CYB5D2: variants seen among roughly 807,000 people sequenced by gnomAD.
CYB5D2 encodes neuferricin.
CYB5D2 carries 23 observed loss-of-function variants against 22.8 expected under a neutral mutation model. The observed-to-expected ratio is 1.01, with a 90% CI of 0.73 to 1.43. The LOEUF (loss-of-function observed/expected upper bound fraction) is 1.43. Ranked by LOEUF, CYB5D2 falls within the 40% of genes most tolerant of loss-of-function variation. CYB5D2 has a pLI of 0.00. For missense variants in CYB5D2, 373 were observed against 357.2 expected, an observed-to-expected ratio of 1.04 and a Z score of -0.36; for synonymous variants, 170 against 152.2, an observed-to-expected ratio of 1.12 and a Z score of -0.86.
intron 3 of CYB5D2, among the ~76,000 whole-genome samples, chr17:4,155,418 G>C (rs536356157): frequency 6.6e-5 from 10 of 152,210 alleles, no homozygotes; most frequent in Non-Finnish European, 1.3e-4. Flanking sequence ...AGGAGTTGGA[G>C]TCCAGCCTGG....
rs1026656665 is a variant in CYB5D2, at chr17:4,149,966, C to T, written c.326C>T (p.Ser109Leu). ...AGLVDDVSDL[S>L]AAEMLTLHNW... ...CTCGTGGATGACGTATCCGACCTGTCAGCCGCTGAGATGCTGACACTTCAC... is the reference window on the plus strand; with the variant it reads ...CTCGTGGATGACGTATCCGACCTGTTAGCCGCTGAGATGCTGACACTTCAC... The change falls in exon 2 of 4, where the codon TCA becomes TTA. Residue 109 changes from serine (S) to leucine (L), a missense_variant. By Grantham distance (145) the Ser-to-Leu change is moderately radical (BLOSUM62 -2). Coordinates refer to ENST00000301391, the MANE Select transcript of CYB5D2 (RefSeq NM_144611.4). 1.2e-6 allele frequency: 2 copies of T among 1,614,148 alleles called. No individual in the cohort carries two copies. Among genetic ancestry groups the T allele is most frequent in the Non-Finnish European group, 1.7e-6 (2 of 1,180,034 alleles).
chr17:4,151,075 A>G (rs2059052410), intron 2 of CYB5D2: 2 of 152,196 alleles, frequency 1.3e-5, no homozygotes, highest in South Asian at 4.1e-4. Flanking sequence ...TGCTTCTGTC[A>G]TCACTGCTTG....
At chr17:4,149,743 G>A in intron 1 of CYB5D2, 148 bp from the exon 2 acceptor site, 11 of 928,690 alleles carry the variant, frequency 1.2e-5, no homozygotes, top group Non-Finnish European at 1.7e-5. Flanking sequence ...AGGTTGCAGT[G>A]AGCTGAAATC....
In CYB5D2 at chr17:4,154,728, C is replaced by T. The variant is rs757495994; in HGVS notation, c.446C>T (p.Thr149Ile). 1 of 1,614,182 alleles carries T rather than the reference C, an allele frequency of 6.2e-7. No individual in the cohort carries two copies. The highest frequency in any genetic ancestry group is 1.7e-5 in the Admixed American group (1 of 60,022). The stretch of plus-strand genomic sequence containing the variant: ...GATGGGCTGCCCACCCCGGCACTGA[C>T]CCAGGTAGAAGCTGCGATCACCAGA... ...GEDGLPTPAL[T>I]QVEAAITRGL... is the part of the protein sequence containing the mutation. The change falls in exon 3 of 4, where the codon ACC (threonine) becomes ATC (isoleucine). Residue 149 changes from threonine to isoleucine, a missense_variant. Thr to Ile is a moderately conservative substitution (Grantham distance 89, BLOSUM62 -1). Transcript: ENST00000301391.
rs2059118436 is a variant in CYB5D2, at chr17:4,156,954, A to T, written c.667A>T (p.Thr223Ser). The T allele has an allele frequency of 6.2e-7, 1 of 1,612,784 alleles. No individual in the cohort carries two copies. The highest frequency in any genetic ancestry group is 8.5e-7 in the Non-Finnish European group (1 of 1,180,010). ...GCCCCGCTGCGTGTGTGTGAGAACC[A>T]CCGGCCCCCCTAGTGGCCAGATGCC... is the stretch of plus-strand genomic sequence containing the variant. ...KEPRCVCVRT[T>S]GPPSGQMPDN... Residue 223 changes from threonine to serine, a missense_variant, in exon 4 of 4, where the codon ACC becomes TCC. Physicochemically the swap from Thr to Ser is moderately conservative, Grantham distance 58 (BLOSUM62 1). Coordinates refer to ENST00000301391, the MANE Select transcript of CYB5D2 (RefSeq NM_144611.4).
chr17:4,154,734 T>G lies in CYB5D2; in HGVS notation c.452T>G (p.Val151Gly). The change falls in exon 3 of 4, where the codon GTA becomes GGA. Residue 151 changes from valine (V) to glycine (G), a missense_variant. Transcript: ENST00000301391. ...DGLPTPALTQ[V>G]EAAITRGLEA... ...CTGCCCACCCCGGCACTGACCCAGGTAGAAGCTGCGATCACCAGAGGCTTG... is the reference window on the plus strand; with the variant it reads ...CTGCCCACCCCGGCACTGACCCAGGGAGAAGCTGCGATCACCAGAGGCTTG... The G allele has an allele frequency of 3.1e-6, 5 of 1,614,126 alleles. No homozygotes were observed. The highest frequency in any genetic ancestry group is 4.2e-6 in the Non-Finnish European group (5 of 1,180,020).
intron 1 of CYB5D2, among the ~76,000 whole-genome samples, chr17:4,146,301 G>T (rs62072180): frequency 0.21 from 31,942 of 151,946 alleles, 3,440 homozygotes; most frequent in Middle Eastern, 0.27. Context: ...TGCCATGTTG[G>T]CCAGGCTGGA....
At chr17:4,150,750 G>T (rs1051904519) in intron 2 of CYB5D2, among the ~76,000 whole-genome samples, 4 of 152,150 alleles carry the variant, frequency 2.6e-5, no homozygotes, top group Non-Finnish European at 5.9e-5. Context: ...CCTGGGCGTG[G>T]TGGCACGCAC....
rs2059117772 is a variant in CYB5D2 at position 4,156,929 on chromosome 17, G to A, written c.642G>A (p.Glu214=). Residue 214 remains glutamate (E), a synonymous_variant, in exon 4 of 4, where the codon GAG becomes GAA. Transcript: ENST00000301391. The part of the protein sequence containing the change: ...PRKLYKPGAK[E]PRCVCVRTTG... ...AGCTGTATAAGCCAGGTGCTAAGGA[G>A]CCCCGCTGCGTGTGTGTGAGAACCA... 6.2e-7 allele frequency: 1 copy of A among 1,612,696 alleles called. No homozygotes were observed. The highest frequency in any genetic ancestry group is 1.1e-5 in the South Asian group (1 of 91,016).
At chr17:4,148,612 G>A (rs1207456016) in intron 1 of CYB5D2, among the ~76,000 whole-genome samples, 6 of 151,892 alleles carry the variant, frequency 4.0e-5, no homozygotes, top group Non-Finnish European at 7.4e-5. Context: ...GCCAAGGTGG[G>A]TGGATCACCG....
chr17:4,150,226 A>G (rs532484130), intron 2 of CYB5D2, among the ~76,000 whole-genome samples, 195 bp downstream of exon 2: 4 of 152,132 alleles, frequency 2.6e-5, no homozygotes, highest in African/African-American at 7.2e-5. Context: ...CCCCACTCTT[A>G]GTCTTGGGAG....
At chr17:4,151,482 G>A (rs1471620675) in intron 2 of CYB5D2, among the ~76,000 whole-genome samples, 1 of 152,180 alleles carries the variant, frequency 6.6e-6, no homozygotes, top group Non-Finnish European at 1.5e-5. Context: ...GAGGTCAGGA[G>A]TTCAAGACCA....
Position 4,144,017 on chromosome 17 carries a change from G to A in CYB5D2, c.250+12G>A. The A allele has an allele frequency of 6.3e-7, 1 of 1,581,640 alleles. No individual in the cohort carries two copies. Among genetic ancestry groups the A allele is most frequent in the African/African-American group, 1.3e-5 (1 of 74,134 alleles). On this transcript the variant is annotated intron_variant, in intron 1 of 3. Coordinates refer to ENST00000301391, the MANE Select transcript of CYB5D2 (RefSeq NM_144611.4). ...TAGCGGCTTCGCAGGTATCAGCGAG[G>A]CTGCTCACGCCTTTCTCTCCGCTGG...
chr17:4,150,052 A>G (rs753140324), intron 2 of CYB5D2, 21 bp downstream of exon 2: 46 of 1,613,062 alleles, frequency 2.9e-5, no homozygotes, highest in Admixed American at 8.3e-5. Context: ...CATAGGTCAT[A>G]CATTTCATTT....
chr17:4,149,751 A>G lies in CYB5D2; in HGVS notation c.251-140A>G, dbSNP rs776479968. ...AAGGCAGAGGTTGCAGTGAGCTGAA[A>G]TCATGCCACTGCACTCCAGCCTGGG... On this transcript the variant is annotated intron_variant, in intron 1 of 3. Transcript: ENST00000301391. 648 of 1,010,190 alleles carry G rather than the reference A, an allele frequency of 6.4e-4. 1 individual carries two copies. The highest frequency in any genetic ancestry group is 8.7e-4 in the Non-Finnish European group (617 of 712,462). The allele number at this position is 1,010,190 out of a possible 1,614,324, so 62.6% of individuals were successfully genotyped here.
intron 2 of CYB5D2, among the ~76,000 whole-genome samples, chr17:4,151,525 TA>T (rs2059057590): frequency 6.6e-6 from 1 of 150,900 alleles, no homozygotes; most frequent in Non-Finnish European, 1.5e-5. Context: ...CTGTCTCTAT[TA>T]AAATACAAAA....
At chr17:4,150,607 C>T (rs558642379) in intron 2 of CYB5D2, among the ~76,000 whole-genome samples, 7 of 152,256 alleles carry the variant, frequency 4.6e-5, no homozygotes, top group South Asian at 2.1e-4. Flanking sequence ...ACACTAGGCC[C>T]GGCGCAGTGG....
chr17:4,149,976 G>A lies in CYB5D2; in HGVS notation c.336G>A (p.Glu112=). 6.2e-7 allele frequency: 1 copy of A among 1,614,158 alleles called. No individual in the cohort carries two copies. The highest frequency in any genetic ancestry group is 8.5e-7 in the Non-Finnish European group (1 of 1,180,038). The change falls in exon 2 of 4, where the codon GAG becomes GAA. Residue 112 remains glutamate (E), a synonymous_variant. Transcript: ENST00000301391. The part of the protein sequence containing the change: ...VDDVSDLSAA[E]MLTLHNWLSF... ...ACGTATCCGACCTGTCAGCCGCTGA[G>A]ATGCTGACACTTCACAATTGGCTTT...
At position 4,143,828 on chromosome 17, in the gene CYB5D2, C is replaced by T. The variant is rs1204374896; in HGVS notation, c.73C>T (p.Leu25Phe). The T allele has an allele frequency of 4.3e-6, 7 of 1,614,164 alleles. No individual in the cohort carries two copies. In the Admixed American group the frequency reaches 5.0e-5, roughly 12 times the overall value. ...CGCAGCAGCGGTAATGGCAGCACGG[C>T]TTATGGGCTGGTGGGGTCCCCGCGC... ...VAAAAVMAAR[L>F]MGWWGPRAGF... Residue 25 changes from leucine to phenylalanine, a missense_variant, in exon 1 of 4, where the codon CTT becomes TTT. Coordinates refer to ENST00000301391, the MANE Select transcript of CYB5D2 (RefSeq NM_144611.4).
Sources: gnomAD v4.1 joint callset for allele counts (sites outside exome capture counted in the v4.1 genomes callset) on GRCh38, gnomAD v4.1.1 for gene constraint, MANE v1.5 for transcripts, NCBI Gene and HGNC (gene_info 2026-07-23, HGNC 2026-07-21) for gene names.